The following HNRNPM variants were observed in gnomAD, a reference collection of about 807,000 sequenced individuals.
The protein encoded by HNRNPM is heterogeneous nuclear ribonucleoprotein M.
Under a neutral mutation model 73.1 loss-of-function variants are expected in HNRNPM, and 11 were observed. The ratio of observed to expected loss-of-function variants is 0.15; its 90% CI spans 0.09 to 0.25. The LOEUF is 0.25. Ranked by LOEUF, HNRNPM falls within the 10% of genes least tolerant of loss-of-function variation. The pLI is 1.00. For missense variants in HNRNPM, 789 were observed against 1,067.9 expected (o/e 0.74, Z 3.64); for synonymous variants, 407 against 355.2 (o/e 1.15, Z -1.64).
intron 12 of HNRNPM, among the ~76,000 whole-genome samples, chr19:8,476,053 C>T (rs1242124048): frequency 2.0e-5 from 3 of 151,806 alleles, no homozygotes; most frequent in Non-Finnish European, 4.4e-5. Context: ...GTGACACAGT[C>T]GATGGTGAAC....
intron 10 of HNRNPM, among the ~76,000 whole-genome samples, chr19:8,472,065 A>G (rs1350484091): frequency 6.6e-6 from 1 of 151,726 alleles, no homozygotes; most frequent in East Asian, 1.9e-4. Flanking sequence ...CAGTTACTCA[A>G]GAGGCTGAGG....
intron 12 of HNRNPM, among the ~76,000 whole-genome samples, chr19:8,477,204 C>A (rs938974229): frequency 2.0e-5 from 3 of 152,112 alleles, no homozygotes; most frequent in Admixed American, 1.3e-4. Context: ...AGAGATTCTT[C>A]AAGGACCTCG....
chr19:8,464,423 C>T (rs566179799), intron 5 of HNRNPM, among the ~76,000 whole-genome samples: 11 of 152,088 alleles, frequency 7.2e-5, no homozygotes, highest in Non-Finnish European at 1.0e-4. Context: ...GGATCAAGGT[C>T]ATGAGTTCAA....
At chr19:8,459,105 T>C (rs1969220909) in intron 2 of HNRNPM, among the ~76,000 whole-genome samples, 1 of 152,186 alleles carries the variant, frequency 6.6e-6, no homozygotes, top group Non-Finnish European at 1.5e-5. Flanking sequence ...TTTGTATTTT[T>C]AGTAAGAGAT....
intron 2 of HNRNPM, among the ~76,000 whole-genome samples, chr19:8,460,964 C>T (rs1019065109): frequency 5.9e-5 from 9 of 152,168 alleles, no homozygotes; most frequent in African/African-American, 2.2e-4. Flanking sequence ...AACTGCTTTA[C>T]TTTTTAAGGG....
rs532641848 is a variant in HNRNPM at position 8,455,440 on chromosome 19, A to G, written c.149A>G (p.Lys50Arg). ...CGACCTGCTCAGAATGAGAAGAGGA[A>G]GGAGAAAAACATAAAAAGAGGAGGC... ...GERPAQNEKR[K>R]EKNIKRGGNR... Residue 50 changes from lysine to arginine, a missense_variant, in exon 2 of 16, where the codon AAG (lysine) becomes AGG (arginine). Physicochemically the swap from Lys to Arg is conservative, Grantham distance 26. Coordinates refer to ENST00000325495, the MANE Select transcript of HNRNPM (RefSeq NM_005968.5). 1 of 1,614,108 alleles carries G rather than the reference A, an allele frequency of 6.2e-7. No individual in the cohort carries two copies. Among genetic ancestry groups the G allele is most frequent in the East Asian group, 2.2e-5 (1 of 44,882 alleles).
chr19:8,488,595 T>C, intron 15 of HNRNPM, 96 bp from the exon 16 acceptor site: 1 of 1,082,808 alleles, frequency 9.2e-7, no homozygotes, highest in South Asian at 1.6e-5. Flanking sequence ...TGAGCCTTTG[T>C]GCTCTAGGCT....
At chr19:8,451,029 C>CAAGA in intron 1 of HNRNPM, among the ~76,000 whole-genome samples, 1 of 152,186 alleles carries the variant, frequency 6.6e-6, no homozygotes, top group Non-Finnish European at 1.5e-5. Context: ...GCCTCAGCCT[C>CAAGA]CCGAGTAGCT....
At chr19:8,448,009 G>C (rs1285311705) in intron 1 of HNRNPM, among the ~76,000 whole-genome samples, 1 of 152,206 alleles carries the variant, frequency 6.6e-6, no homozygotes, top group Non-Finnish European at 1.5e-5. Flanking sequence ...CTGGGCGACA[G>C]AGCGATACTC....
intron 2 of HNRNPM, among the ~76,000 whole-genome samples, chr19:8,460,095 CT>C (rs1342353552): frequency 6.6e-6 from 1 of 152,180 alleles, no homozygotes; most frequent in East Asian, 1.9e-4. Flanking sequence ...ACCTCTACCC[CT>C]GAGTCCTGAC....
chr19:8,468,459 G>A (rs981541279), intron 8 of HNRNPM, among the ~76,000 whole-genome samples: 2 of 152,176 alleles, frequency 1.3e-5, no homozygotes, highest in African/African-American at 2.4e-5. Flanking sequence ...GAGTAGGTAA[G>A]TTTTTTGAAT....
chr19:8,446,401 G>A (rs1968189480), intron 1 of HNRNPM, among the ~76,000 whole-genome samples: 1 of 152,160 alleles, frequency 6.6e-6, no homozygotes, highest in African/African-American at 2.4e-5. Flanking sequence ...ATGCGGTTGA[G>A]CACTTATATA....
intron 12 of HNRNPM, among the ~76,000 whole-genome samples, chr19:8,474,714 CTTT>C (rs59543782): frequency 3.6e-4 from 42 of 117,838 alleles, no homozygotes; most frequent in Non-Finnish European, 4.2e-4. Flanking sequence ...CCTCCACCAA[CTTT>C]TTTTTTTTTT....
intron 2 of HNRNPM, among the ~76,000 whole-genome samples, chr19:8,461,652 T>G (rs1247007657): frequency 2.0e-5 from 3 of 152,222 alleles, no homozygotes; most frequent in Non-Finnish European, 4.4e-5. Context: ...TTTTCCCTTT[T>G]GTGTAGATTA....
intron 12 of HNRNPM, among the ~76,000 whole-genome samples, chr19:8,482,118 A>G (rs1599845932): frequency 6.6e-6 from 1 of 151,848 alleles, no homozygotes; most frequent in South Asian, 2.1e-4. Flanking sequence ...GATTACAGGC[A>G]CCTGCCATCA....
At chr19:8,482,998 C>T (rs1224803947) in intron 12 of HNRNPM, 160 bp from the exon 13 acceptor site, 2 of 600,134 alleles carry the variant, frequency 3.3e-6, no homozygotes, top group African/African-American at 3.7e-5. Context: ...TCTCCTAGTT[C>T]TCTGTAAAAT....
chr19:8,464,772 G>C (rs184911674), intron 5 of HNRNPM, among the ~76,000 whole-genome samples: 4 of 152,202 alleles, frequency 2.6e-5, no homozygotes, highest in Admixed American at 2.0e-4. Flanking sequence ...TAATTGACAG[G>C]ACAGAGAGTT....
chr19:8,468,725 A>G, intron 8 of HNRNPM, 49 bp from the exon 9 acceptor site: 1 of 1,463,870 alleles, frequency 6.8e-7, no homozygotes, highest in Non-Finnish European at 9.6e-7. Context: ...GCTGTTGCAA[A>G]CACTGCTGCA....
intron 10 of HNRNPM, among the ~76,000 whole-genome samples, chr19:8,473,459 TA>T (rs57275898): frequency 0.06 from 8,618 of 143,724 alleles, 228 homozygotes; most frequent in Admixed American, 0.07. Flanking sequence ...ATACTGTGTT[TA>T]AAAAAAAAAA....
Sources: gnomAD v4.1 joint callset for allele counts (sites outside exome capture counted in the v4.1 genomes callset) on GRCh38, gnomAD v4.1.1 for gene constraint, MANE v1.5 for transcripts, NCBI Gene and HGNC (gene_info 2026-07-23, HGNC 2026-07-21) for gene names.